The following PCCA variants were observed in gnomAD, a reference collection of about 807,000 sequenced individuals.
PCCA encodes the protein propionyl-CoA carboxylase alpha chain, mitochondrial.
Under a neutral mutation model 101.3 loss-of-function variants are expected in PCCA, and 74 were observed. The ratio of observed to expected loss-of-function variants is 0.73; its 90% confidence interval spans 0.61 to 0.89. PCCA has a LOEUF of 0.89. PCCA is among the 40% of genes least tolerant of loss of function. PCCA has a pLI of 0.00. For missense variants in PCCA, 891 were observed against 907.0 expected, an observed-to-expected ratio of 0.98 and a Z score of 0.23; for synonymous variants, 294 against 313.6, an observed-to-expected ratio of 0.94 and a Z score of 0.66.
At chr13:100,224,889 A>G (rs766874976) in intron 7 of PCCA, among the ~76,000 whole-genome samples, 5 of 152,228 alleles carry the variant, frequency 3.3e-5, no homozygotes, top group Non-Finnish European at 5.9e-5. Flanking sequence ...GCAGATTTGT[A>G]GTATGAGGGG....
At chr13:100,261,484 G>C (rs1322979244) in intron 9 of PCCA, among the ~76,000 whole-genome samples, 1 of 151,776 alleles carries the variant, frequency 6.6e-6, no homozygotes, top group East Asian at 1.9e-4. Flanking sequence ...TCCTGCTTCA[G>C]TCTCCTGAGT....
chr13:100,416,984 C>T (rs553184135), intron 19 of PCCA, among the ~76,000 whole-genome samples: 1 of 152,086 alleles, frequency 6.6e-6, no homozygotes, highest in African/African-American at 2.4e-5. Flanking sequence ...GCTGGGATTA[C>T]AGGCATGTGC....
At chr13:100,367,433 G>C (rs536228759) in intron 18 of PCCA, among the ~76,000 whole-genome samples, 1 of 152,132 alleles carries the variant, frequency 6.6e-6, no homozygotes, top group Admixed American at 6.5e-5. Context: ...CCACAATTTA[G>C]AGCCAAGTGC....
chr13:100,307,323 C>T, intron 15 of PCCA, 63 bp downstream of exon 15: 2 of 1,090,088 alleles, frequency 1.8e-6, no homozygotes, highest in Non-Finnish European at 2.8e-6. Flanking sequence ...TTTAAAGAGT[C>T]TGAAACTGGG....
At position 100,455,153 on chromosome 13, in the gene PCCA, G is replaced by A. The variant is rs116463609; in HGVS notation, c.1899+5848G>A. Reference sequence around the variant, plus strand: ...CAGTGGTAACTGCTAATGAAAAAAAGTAAATAAAGTGGGCAAAGGGTGGAA... The same window carrying A: ...CAGTGGTAACTGCTAATGAAAAAAAATAAATAAAGTGGGCAAAGGGTGGAA... On this transcript the variant is annotated intron_variant, in intron 21 of 23. Transcript: ENST00000376285. Among the ~76,000 whole-genome samples, 105 of 152,296 alleles carry A rather than the reference G, an allele frequency of 6.9e-4. 1 individual carries two copies. The East Asian group carries it at 0.015, about 22-fold the overall frequency.
intron 6 of PCCA, among the ~76,000 whole-genome samples, chr13:100,186,742 AAAAAAAC>A (rs1267092294): frequency 1.3e-5 from 2 of 151,396 alleles, no homozygotes; most frequent in African/African-American, 4.9e-5. Flanking sequence ...CCATCTCAAA[AAAAAAAC>A]AAAAAAAAAA....
intron 5 of PCCA, 44 bp from the exon 6 acceptor site, chr13:100,157,243 G>T: frequency 7.3e-7 from 1 of 1,370,818 alleles, no homozygotes; most frequent in South Asian, 1.2e-5. Flanking sequence ...TAAAGCTTTT[G>T]CAATATGATA....
rs536770076 is a variant in PCCA at position 100,211,497 on chromosome 13, C to G, written c.600+2034C>G. Among the ~76,000 whole-genome samples the G allele has an allele frequency of 2.0e-5, 3 of 152,306 alleles. No individual in the cohort carries two copies. The South Asian group carries it at 6.2e-4, about 32-fold the overall frequency. The stretch of plus-strand genomic sequence containing the variant: ...GCAACATTTGAGTCTCTTGGTCAGT[C>G]CATACTTCTCTCATGAGATACTCAC... On this transcript the variant is annotated intron_variant, in intron 7 of 23. Transcript: ENST00000376285.
chr13:100,232,351 C>CATGTGCGT lies in PCCA; in HGVS notation c.601-3491_601-3490insATGTGCGT, dbSNP rs1555387985. On this transcript the variant is annotated intron_variant, in intron 7 of 23. Transcript: ENST00000376285. ...TTATGTTTATGTGTGTGTGTGTATG[C>CATGTGCGT]GTGTGTGTGTGTGTGTGTGTGTGTG... 1.6e-4 allele frequency among the ~76,000 whole-genome samples: 21 copies of CATGTGCGT among 131,178 alleles called. No homozygotes were observed. The Admixed American group carries it at 1.6e-3, about 10-fold the overall frequency. 86.1% of individuals were successfully genotyped at this position (131,178 alleles called of 152,430 possible). A position where few individuals can be genotyped will look rare whatever the true frequency, so the allele number is the denominator to read the frequency against.
chr13:100,135,462 A>G (rs2051045866), intron 4 of PCCA, among the ~76,000 whole-genome samples: 1 of 152,124 alleles, frequency 6.6e-6, no homozygotes, highest in Admixed American at 6.5e-5. Flanking sequence ...TTTGGTTTCC[A>G]GTTGTACATT....
At chr13:100,448,354 G>T (rs2080988574) in intron 20 of PCCA, among the ~76,000 whole-genome samples, 2 of 152,134 alleles carry the variant, frequency 1.3e-5, no homozygotes, top group South Asian at 4.2e-4. Context: ...CACCACGCCT[G>T]GCTAATTTTT....
chr13:100,417,893 G>T (rs2078483283), intron 19 of PCCA, among the ~76,000 whole-genome samples: 1 of 152,032 alleles, frequency 6.6e-6, no homozygotes. Flanking sequence ...CATTCAGGAC[G>T]ACTGCTCCGC....
rs2059076853 is a variant in PCCA at position 100,209,546 on chromosome 13, C to CT, written c.600+89dup. ...AGTATAAGATAAAATGTAACTATTGCTTTTTTGGGATATACACACACACAC... is the reference window on the plus strand; with the variant it reads ...AGTATAAGATAAAATGTAACTATTGCTTTTTTTGGGATATACACACACACAC... On this transcript the variant is annotated intron_variant, in intron 7 of 23. Coordinates refer to ENST00000376285, the MANE Select transcript of PCCA (RefSeq NM_000282.4). 4 of 1,154,350 alleles carry CT rather than the reference C, an allele frequency of 3.5e-6. No individual in the cohort carries two copies. In the Admixed American group the frequency reaches 7.0e-5, roughly 20 times the overall value. 71.5% of individuals were successfully genotyped at this position (1,154,350 alleles called of 1,614,324 possible). A position where few individuals can be genotyped will look rare whatever the true frequency, so the allele number is the denominator to read the frequency against.
intron 20 of PCCA, among the ~76,000 whole-genome samples, chr13:100,433,118 G>T (rs993380163): frequency 6.6e-6 from 1 of 152,178 alleles, no homozygotes; most frequent in African/African-American, 2.4e-5. Context: ...ACAAATATCT[G>T]TTTGAGTACC....
chr13:100,494,104 G>C (rs1398493978), intron 21 of PCCA, among the ~76,000 whole-genome samples: 6 of 151,852 alleles, frequency 4.0e-5, no homozygotes, highest in African/African-American at 1.5e-4. Context: ...CGGGAGAAGG[G>C]CTTGAAACCA....
chr13:100,201,693 A>G (rs1006742452), intron 6 of PCCA, among the ~76,000 whole-genome samples: 1 of 151,770 alleles, frequency 6.6e-6, no homozygotes, highest in African/African-American at 2.4e-5. Context: ...CCCCGTCCCT[A>G]CTAAAAATAC....
At chr13:100,471,490 T>C (rs919664261) in intron 21 of PCCA, among the ~76,000 whole-genome samples, 1 of 152,198 alleles carries the variant, frequency 6.6e-6, no homozygotes, top group African/African-American at 2.4e-5. Context: ...AACCTTTAAA[T>C]TGTAAAAAGT....
At chr13:100,234,710 C>G (rs757620356) in intron 7 of PCCA, among the ~76,000 whole-genome samples, 7 of 151,052 alleles carry the variant, frequency 4.6e-5, no homozygotes, top group Non-Finnish European at 8.9e-5. Flanking sequence ...GCCCCCTTCT[C>G]GGAGGATTCT....
intron 17 of PCCA, among the ~76,000 whole-genome samples, chr13:100,339,783 C>T (rs1211890771): frequency 1.3e-5 from 2 of 152,194 alleles, no homozygotes; most frequent in Non-Finnish European, 2.9e-5. Context: ...GCTATCCTCA[C>T]TTCCCTCAGC....
Sources: allele counts gnomAD v4.1 joint callset (sites outside exome capture counted in the v4.1 genomes callset), GRCh38; gene constraint gnomAD v4.1.1; transcripts MANE v1.5; gene names NCBI Gene and HGNC (gene_info 2026-07-23, HGNC 2026-07-21).